Variants in SYNPR observed in about 807,000 individuals in gnomAD.
SYNPR encodes the protein synaptoporin.
A neutral mutation model predicts 32.9 loss-of-function variants in SYNPR; 23 were observed. The observed-to-expected ratio is 0.70, with a 90% CI of 0.50 to 0.99. SYNPR has a LOEUF of 0.99. SYNPR is among the 50% of genes least tolerant of loss of function. SYNPR has a pLI of 0.00. For missense variants in SYNPR, 318 were observed against 349.3 expected (o/e 0.91, Z 0.71); for synonymous variants, 146 against 135.9 (o/e 1.07, Z -0.52).
At chr3:63,540,877 C>T (rs937402559) in intron 3 of SYNPR, among the ~76,000 whole-genome samples, 1 of 145,864 alleles carries the variant, frequency 6.9e-6, no homozygotes, top group Non-Finnish European at 1.5e-5. Flanking sequence ...TGAAATTTCA[C>T]CTCCTATCAC....
chr3:63,565,902 T>C (rs1382656793), intron 4 of SYNPR, among the ~76,000 whole-genome samples: 1 of 152,140 alleles, frequency 6.6e-6, no homozygotes, highest in East Asian at 1.9e-4. Context: ...CATATTGTCT[T>C]CTATCCTCTT....
At chr3:63,283,075 G>C (rs968612189) in intron 2 of SYNPR, among the ~76,000 whole-genome samples, 1 of 152,100 alleles carries the variant, frequency 6.6e-6, no homozygotes, top group Non-Finnish European at 1.5e-5. Flanking sequence ...GGTAAACTGT[G>C]GTATGCAGGA....
chr3:63,201,717 A>G, the SYNPR span, among the ~76,000 whole-genome samples: 119,923 of 152,006 alleles, frequency 0.79, 47,889 homozygotes, highest in Middle Eastern at 0.86. Flanking sequence ...ATGTTTTGTT[A>G]TTTAAAAGAA....
chr3:63,282,246 G>A (rs990685211), intron 2 of SYNPR, among the ~76,000 whole-genome samples: 1 of 152,102 alleles, frequency 6.6e-6, no homozygotes, highest in Non-Finnish European at 1.5e-5. Context: ...AAACATAAAA[G>A]ACATGTTCTC....
chr3:63,445,419 G>A (rs1306773083), intron 2 of SYNPR: 3 of 601,950 alleles, frequency 5.0e-6, no homozygotes, highest in African/African-American at 3.7e-5. Context: ...CTTCTGAAAG[G>A]TCCATAATAT....
In SYNPR at chr3:63,616,866, G is replaced by T. The variant is rs754292928; in HGVS notation, c.*1385G>T. The stretch of plus-strand genomic sequence containing the variant: ...TATCTGTAACCAGTTTCTGAATCCC[G>T]TTGGATAAAACTGTATTGTGATATC... On this transcript the variant is annotated 3_prime_UTR_variant, in exon 6 of 6. Transcript: ENST00000478300. The T allele has an allele frequency of 6.6e-6, 1 of 152,194 alleles. No individual in the cohort carries two copies. Among genetic ancestry groups the T allele is most frequent in the Admixed American group, 6.5e-5 (1 of 15,284 alleles). The allele number at this position is 152,194 out of a possible 1,614,324, so 9.4% of individuals were successfully genotyped here. A position where few individuals can be genotyped will look rare whatever the true frequency, so the allele number is the denominator to read the frequency against.
At chr3:63,374,423 T>C (rs1490659904) in intron 2 of SYNPR, among the ~76,000 whole-genome samples, 10 of 152,066 alleles carry the variant, frequency 6.6e-5, no homozygotes, top group Admixed American at 6.6e-4. Flanking sequence ...ACAGACACCA[T>C]GGTATACTTG....
At chr3:63,473,029 C>T (rs1700833713) in intron 2 of SYNPR, among the ~76,000 whole-genome samples, 1 of 152,086 alleles carries the variant, frequency 6.6e-6, no homozygotes, top group African/African-American at 2.4e-5. Flanking sequence ...TTCTGCCTGC[C>T]TCTTAAACTG....
chr3:63,283,445 G>A (rs537398331), intron 2 of SYNPR, among the ~76,000 whole-genome samples: 63 of 152,296 alleles, frequency 4.1e-4, no homozygotes, highest in African/African-American at 1.5e-3. Context: ...AAACGGAAAA[G>A]TCGGGACATA....
chr3:63,294,053 A>G (rs2086769739), intron 2 of SYNPR, among the ~76,000 whole-genome samples: 1 of 152,290 alleles, frequency 6.6e-6, no homozygotes, highest in Admixed American at 6.5e-5. Flanking sequence ...TTTCTATGCC[A>G]TTAGATAAAA....
intron 2 of SYNPR, among the ~76,000 whole-genome samples, chr3:63,422,844 C>A (rs577799756): frequency 4.1e-4 from 63 of 151,948 alleles, no homozygotes; most frequent in African/African-American, 1.4e-3. Context: ...AGAATAAATA[C>A]AAGGATACTC....
intron 3 of SYNPR, among the ~76,000 whole-genome samples, chr3:63,273,265 A>G (rs2367779): frequency 0.29 from 43,490 of 152,040 alleles, 6,614 homozygotes; most frequent in South Asian, 0.47. Flanking sequence ...TTGGAAAGTT[A>G]CGGGAGTAGG....
At chr3:63,277,144 TA>T (rs941944421), upstream of SYNPR, among the ~76,000 whole-genome samples, 10 of 152,126 alleles carry the variant, frequency 6.6e-5, no homozygotes, top group Non-Finnish European at 1.5e-5. Context: ...TTTCTGATTT[TA>T]AAAAAATCAA....
At chr3:63,292,632 A>G (rs1190811529) in intron 2 of SYNPR, among the ~76,000 whole-genome samples, 1 of 152,230 alleles carries the variant, frequency 6.6e-6, no homozygotes, top group Non-Finnish European at 1.5e-5. Flanking sequence ...ATTAAATAAC[A>G]TTCGCAAAGA....
intron 3 of SYNPR, among the ~76,000 whole-genome samples, chr3:63,539,369 C>T (rs1001056864): frequency 6.6e-6 from 1 of 152,076 alleles, no homozygotes; most frequent in African/African-American, 2.4e-5. Flanking sequence ...GGCTTTTATG[C>T]ATGTGTGTCC....
At chr3:63,346,831 G>T (rs1204525019) in intron 2 of SYNPR, among the ~76,000 whole-genome samples, 1 of 152,168 alleles carries the variant, frequency 6.6e-6, no homozygotes, top group Admixed American at 6.5e-5. Context: ...ATTTAAGTAG[G>T]ATTAATTGAG....
intron 2 of SYNPR, among the ~76,000 whole-genome samples, chr3:63,465,525 A>T (rs1187611999): frequency 2.6e-5 from 4 of 152,104 alleles, no homozygotes; most frequent in Non-Finnish European, 4.4e-5. Flanking sequence ...TCTGATCTTA[A>T]TTTTAAAAAA....
intron 2 of SYNPR, among the ~76,000 whole-genome samples, chr3:63,318,521 C>G (rs2087070025): frequency 6.6e-6 from 1 of 151,878 alleles, no homozygotes; most frequent in Admixed American, 6.6e-5. Flanking sequence ...CTGTGAATTT[C>G]TCTCTTCTGT....
At chr3:63,366,483 G>A (rs1486098336) in intron 2 of SYNPR, among the ~76,000 whole-genome samples, 1 of 149,582 alleles carries the variant, frequency 6.7e-6, no homozygotes, top group East Asian at 2.4e-4. Flanking sequence ...TAAAGTATGT[G>A]TACTTTTATA....
Sources: gnomAD v4.1 joint callset for allele counts (sites outside exome capture counted in the v4.1 genomes callset) on GRCh38, gnomAD v4.1.1 for gene constraint, MANE v1.5 for transcripts, NCBI Gene and HGNC (gene_info 2026-07-23, HGNC 2026-07-21) for gene names.